The following AGPS variants were observed in gnomAD, a reference collection of about 807,000 sequenced individuals.
AGPS encodes alkyldihydroxyacetonephosphate synthase, peroxisomal.
In AGPS, 26 loss-of-function variants were observed where a neutral mutation model predicts 90.7. That is an observed-to-expected ratio of 0.29 (90% CI 0.21 to 0.40). The LOEUF is 0.40. Among genes scored for constraint, AGPS ranks in the 10% least tolerant of loss-of-function variants. AGPS has a pLI of 1.00. For missense variants in AGPS, 540 were observed against 816.1 expected (o/e 0.66, Z 4.12); for synonymous variants, 294 against 285.3 (o/e 1.03, Z -0.31).
chr2:177,437,091 T>C, intron 5 of AGPS, 37 bp downstream of exon 5: 1 of 1,582,976 alleles, frequency 6.3e-7, no homozygotes, highest in Non-Finnish European at 8.7e-7. Flanking sequence ...AATTTAGTAT[T>C]GCTAAATTTT....
intron 2 of AGPS, among the ~76,000 whole-genome samples, chr2:177,429,278 C>T (rs1574359906): frequency 1.3e-5 from 2 of 152,130 alleles, no homozygotes; most frequent in Admixed American, 6.5e-5. Context: ...CAGCGAAGTT[C>T]GTTATTACCC....
chr2:177,498,149 TC>T (rs1014740014), intron 13 of AGPS, among the ~76,000 whole-genome samples: 16 of 152,000 alleles, frequency 1.1e-4, no homozygotes, highest in African/African-American at 3.8e-4. Context: ...TGCCTTCTTT[TC>T]CTTGCATCCT....
chr2:177,506,510 A>G (rs761824774), intron 15 of AGPS, among the ~76,000 whole-genome samples: 70 of 151,924 alleles, frequency 4.6e-4, no homozygotes, highest in Non-Finnish European at 7.7e-4. Flanking sequence ...AACCTTATAC[A>G]CAACAATTGT....
At chr2:177,486,420 T>C (rs535981224) in intron 11 of AGPS, among the ~76,000 whole-genome samples, 2 of 152,226 alleles carry the variant, frequency 1.3e-5, no homozygotes, top group Middle Eastern at 3.4e-3. Flanking sequence ...TGTAATAGTG[T>C]TTTCAGGCAG....
intron 5 of AGPS, 29 bp downstream of exon 5, chr2:177,437,083 T>G (rs1429833270): frequency 6.3e-7 from 1 of 1,593,700 alleles, no homozygotes; most frequent in Admixed American, 1.7e-5. Context: ...GTATCATTAA[T>G]TTAGTATTGC....
chr2:177,479,030 T>A lies in AGPS; in HGVS notation c.1106-3029T>A, dbSNP rs114290461. Reference sequence around the variant, plus strand: ...TTGGAAAGAGATTAGGAGCTATCTGTCTTATGGCCTGTTTCTCTCCCCAGA... The same window carrying A: ...TTGGAAAGAGATTAGGAGCTATCTGACTTATGGCCTGTTTCTCTCCCCAGA... On this transcript the variant is annotated intron_variant, in intron 10 of 19. Coordinates refer to ENST00000264167, the MANE Select transcript of AGPS (RefSeq NM_003659.4). Among the ~76,000 whole-genome samples, 466 of 152,246 alleles carry A rather than the reference T, an allele frequency of 3.1e-3. 2 individuals carry two copies. Among genetic ancestry groups the A allele is most frequent in the African/African-American group, 0.011 (437 of 41,518 alleles).
chr2:177,481,355 T>C (rs1454195274), intron 10 of AGPS, among the ~76,000 whole-genome samples: 5 of 152,088 alleles, frequency 3.3e-5, no homozygotes, highest in African/African-American at 4.8e-5. Flanking sequence ...AGAGCATTTC[T>C]TTTTTTAATC....
chr2:177,517,606 G>T (rs1689057977), intron 17 of AGPS, among the ~76,000 whole-genome samples: 1 of 152,092 alleles, frequency 6.6e-6, no homozygotes, highest in Non-Finnish European at 1.5e-5. Context: ...CCCTCTTGAT[G>T]GAGATGGGCC....
chr2:177,533,627 T>C (rs772346032), intron 19 of AGPS, among the ~76,000 whole-genome samples: 1 of 152,230 alleles, frequency 6.6e-6, no homozygotes, highest in Non-Finnish European at 1.5e-5. Flanking sequence ...TGTTTGTTAA[T>C]CTGAGAATGC....
intron 11 of AGPS, among the ~76,000 whole-genome samples, chr2:177,492,023 T>G (rs952149217): frequency 6.6e-6 from 1 of 152,038 alleles, no homozygotes; most frequent in African/African-American, 2.4e-5. Flanking sequence ...TGTCCTAAAG[T>G]GATTTGCCCA....
chr2:177,462,405 AG>A lies in AGPS; in HGVS notation c.996+388del, dbSNP rs200932109. ...GAGATTCTGTCTCAAAAAAAAAAAA[AG>A]AAAAAAGAAAAAGAGTTGGATGGTA... On this transcript the variant is annotated intron_variant, in intron 9 of 19. Coordinates refer to ENST00000264167, the MANE Select transcript of AGPS (RefSeq NM_003659.4). 1.2e-3 allele frequency among the ~76,000 whole-genome samples: 182 copies of A among 148,444 alleles called. 14 individuals carry two copies. The highest frequency in any genetic ancestry group is 4.0e-3 in the African/African-American group (161 of 40,488).
intron 19 of AGPS, among the ~76,000 whole-genome samples, chr2:177,533,822 T>A (rs1312986460): frequency 6.6e-6 from 1 of 152,232 alleles, no homozygotes; most frequent in Non-Finnish European, 1.5e-5. Context: ...ATCACTCGTA[T>A]AAGCAGCTAA....
At chr2:177,396,349 T>TA (rs1412508616) in intron 1 of AGPS, among the ~76,000 whole-genome samples, 1 of 152,188 alleles carries the variant, frequency 6.6e-6, no homozygotes, top group Admixed American at 6.5e-5. Context: ...GCTTATAAAA[T>TA]ATAGCAGTGA....
At chr2:177,467,822 T>C (rs1486510783) in intron 9 of AGPS, among the ~76,000 whole-genome samples, 1 of 152,176 alleles carries the variant, frequency 6.6e-6, no homozygotes, top group Non-Finnish European at 1.5e-5. Context: ...AGAGTGATCC[T>C]ACTTCCCCAG....
At chr2:177,410,798 C>T (rs1685598790) in intron 1 of AGPS, among the ~76,000 whole-genome samples, 1 of 152,136 alleles carries the variant, frequency 6.6e-6, no homozygotes, top group African/African-American at 2.4e-5. Flanking sequence ...TGGGCTGGCG[C>T]TTACCCCAGG....
chr2:177,398,675 A>G (rs756221470), intron 1 of AGPS, among the ~76,000 whole-genome samples: 1 of 152,208 alleles, frequency 6.6e-6, no homozygotes, highest in Admixed American at 6.5e-5. Flanking sequence ...ACTTTGTCAT[A>G]TAGTTAAGAA....
rs2079207422 is a variant in AGPS at position 177,538,898 on chromosome 2, A to AATTC, written c.*707_*710dup. On this transcript the variant is annotated 3_prime_UTR_variant, in exon 20 of 20. Transcript: ENST00000264167. ...CTGAGATAACCTATTGTTATATTCT[A>AATTC]ATTCATTGATAATATGTTTTGTAAG... The AATTC allele has an allele frequency of 6.6e-6, 1 of 152,028 alleles. No individual in the cohort carries two copies. Among genetic ancestry groups the AATTC allele is most frequent in the African/African-American group, 2.4e-5 (1 of 41,442 alleles). The allele number at this position is 152,028 out of a possible 1,614,324, so 9.4% of individuals were successfully genotyped here.
At chr2:177,401,785 A>G (rs1685338592) in intron 1 of AGPS, among the ~76,000 whole-genome samples, 1 of 152,154 alleles carries the variant, frequency 6.6e-6, no homozygotes. Context: ...ACCTCAGGTG[A>G]TCTGTCCGCC....
intron 10 of AGPS, among the ~76,000 whole-genome samples, chr2:177,480,182 A>G (rs982031137): frequency 1.3e-5 from 2 of 152,148 alleles, no homozygotes; most frequent in African/African-American, 4.8e-5. Flanking sequence ...CTCCATCTCA[A>G]AAATTTTAAA....
Sources: gnomAD v4.1 joint callset for allele counts (sites outside exome capture counted in the v4.1 genomes callset) on GRCh38, gnomAD v4.1.1 for gene constraint, MANE v1.5 for transcripts, NCBI Gene and HGNC (gene_info 2026-07-23, HGNC 2026-07-21) for gene names.